The following CACNA1B variants were observed in gnomAD, a reference collection of about 807,000 sequenced individuals.
The protein encoded by CACNA1B is calcium voltage-gated channel subunit alpha1 B.
A neutral mutation model predicts 247.2 loss-of-function variants in CACNA1B; 70 were observed. That is an observed-to-expected ratio of 0.28 (90% CI 0.23 to 0.35). The LOEUF (loss-of-function observed/expected upper bound fraction) is 0.35. Ranked by LOEUF, CACNA1B falls within the 10% of genes least tolerant of loss-of-function variation. The pLI is 1.00. For missense variants in CACNA1B, 2,367 were observed against 3,197.4 expected (o/e 0.74, Z 6.26); for synonymous variants, 1,231 against 1,294.4 (o/e 0.95, Z 1.05).
intron 10 of CACNA1B, among the ~76,000 whole-genome samples, chr9:137,970,798 A>G (rs1958137016): frequency 6.6e-6 from 1 of 152,156 alleles, no homozygotes; most frequent in African/African-American, 2.4e-5. Flanking sequence ...CAGGGTAGAG[A>G]AGCAGTCAGG....
At chr9:137,978,929 G>A (rs992167689) in intron 12 of CACNA1B, among the ~76,000 whole-genome samples, 1 of 152,202 alleles carries the variant, frequency 6.6e-6, no homozygotes, top group Non-Finnish European at 1.5e-5. Context: ...ATGGAGACCT[G>A]TGATTTCAGT....
intron 20 of CACNA1B, among the ~76,000 whole-genome samples, chr9:138,029,006 A>G (rs1168642094): frequency 6.6e-6 from 1 of 152,218 alleles, no homozygotes. Flanking sequence ...TTCTTCACAC[A>G]ACCAACTGAA....
In CACNA1B at chr9:138,100,100, G is replaced by A. The variant is rs1961203400; in HGVS notation, c.5223-2611G>A. 6.6e-6 allele frequency among the ~76,000 whole-genome samples: 1 copy of A among 152,194 alleles called. No homozygotes were observed. Among genetic ancestry groups the A allele is most frequent in the African/African-American group, 2.4e-5 (1 of 41,444 alleles). On this transcript the variant is annotated intron_variant, in intron 37 of 46. Coordinates refer to ENST00000371372, the MANE Select transcript of CACNA1B (RefSeq NM_000718.4). This position sits in a 1 kb window ranked among gnomAD's most constrained non-coding sequence, Gnocchi z 4.6. ...ATGTCTGGCCTGAAGAATGAGAGGA[G>A]GTGCCATTTGAGCTGAACTTAAAGG...
At chr9:138,120,567 G>GC (rs1442413753) in intron 45 of CACNA1B, 64 bp from the exon 46 acceptor site, 5 of 1,453,916 alleles carry the variant, frequency 3.4e-6, no homozygotes, top group African/African-American at 1.4e-5. Flanking sequence ...GTCCTGCTGG[G>GC]CCCGGGGGTC....
Position 137,878,163 on chromosome 9 carries a change from T to A in CACNA1B, c.230T>A (p.Val77Asp). Residue 77 changes from valine (V) to aspartate (D), a missense_variant, in exon 1 of 47, where the codon GTC (valine) becomes GAC (aspartate). Around this residue, in one of 12 missense-constraint regions of CACNA1B, gnomAD observed 130 missense variants for 338.7 expected, o/e 0.38. Transcript: ENST00000371372. Reference protein sequence around the residue: ...NCFTVNRSLFVFSEDNVVRKY... With the variant: ...NCFTVNRSLFDFSEDNVVRKY... ...TTCACCGTCAACCGCTCGCTCTTCG[T>A]CTTCAGCGAGGACAACGTCGTCCGC... is the stretch of plus-strand genomic sequence containing the variant. 2 of 1,311,624 alleles carry A rather than the reference T, an allele frequency of 1.5e-6. No homozygotes were observed. The highest frequency in any genetic ancestry group is 2.0e-6 in the Non-Finnish European group (2 of 1,024,100). 81.2% of individuals were successfully genotyped at this position (1,311,624 alleles called of 1,614,324 possible).
At chr9:138,008,544 C>G (rs895001553) in intron 16 of CACNA1B, among the ~76,000 whole-genome samples, 1 of 152,190 alleles carries the variant, frequency 6.6e-6, no homozygotes, top group African/African-American at 2.4e-5. Flanking sequence ...GGGGTATGCG[C>G]TCCCTTGACC....
At chr9:137,948,456 C>T (rs1226956966) in intron 6 of CACNA1B, among the ~76,000 whole-genome samples, 1 of 152,018 alleles carries the variant, frequency 6.6e-6, no homozygotes, top group African/African-American at 2.4e-5. Context: ...TGATTCCTTC[C>T]ACATCCCCTT....
At chr9:137,878,729 C>T (rs1314999754) in intron 1 of CACNA1B, among the ~76,000 whole-genome samples, 2 of 152,132 alleles carry the variant, frequency 1.3e-5, no homozygotes, top group Non-Finnish European at 2.9e-5. Flanking sequence ...CCAGCCTCGC[C>T]TGGGGGCGCT....
chr9:138,044,737 G>A (rs1274496511), intron 21 of CACNA1B, among the ~76,000 whole-genome samples: 3 of 152,178 alleles, frequency 2.0e-5, no homozygotes, highest in Non-Finnish European at 4.4e-5. Flanking sequence ...CTGCATGGAC[G>A]TACCCCTGTT....
chr9:138,109,602 ACCT>A (rs1288478393), intron 39 of CACNA1B, among the ~76,000 whole-genome samples: 2 of 152,104 alleles, frequency 1.3e-5, no homozygotes, highest in Non-Finnish European at 2.9e-5. Flanking sequence ...TGAACTGATC[ACCT>A]CCTTACAGGC....
chr9:137,921,828 G>A (rs113590670), intron 6 of CACNA1B, among the ~76,000 whole-genome samples: 44 of 143,898 alleles, frequency 3.1e-4, no homozygotes, highest in African/African-American at 1.0e-3. Flanking sequence ...CACCACGACC[G>A]CACAGCATCC....
rs187696075 is a variant in CACNA1B at position 138,034,518 on chromosome 9, A to G, written c.3287-9256A>G. On this transcript the variant is annotated intron_variant, in intron 20 of 46. Coordinates refer to ENST00000371372, the MANE Select transcript of CACNA1B (RefSeq NM_000718.4). ...TTAGTGATTATTGTCTATAAGTTTT[A>G]TATCTCGGTAGGCTGCCCCTTTCCT... 2.7e-3 allele frequency among the ~76,000 whole-genome samples: 360 copies of G among 133,522 alleles called. 1 individual carries two copies. Among genetic ancestry groups the G allele is most frequent in the African/African-American group, 9.8e-3 (346 of 35,170 alleles). The allele number at this position is 133,522 out of a possible 152,430, so 87.6% of individuals were successfully genotyped here.
intron 39 of CACNA1B, among the ~76,000 whole-genome samples, chr9:138,106,853 C>T (rs1280407203): frequency 1.3e-5 from 2 of 152,192 alleles, no homozygotes; most frequent in Non-Finnish European, 2.9e-5. Flanking sequence ...TCTCTGATTT[C>T]CCTTTCCCAC....
chr9:137,886,588 C>G (rs1216371546), intron 3 of CACNA1B, among the ~76,000 whole-genome samples: 3 of 151,232 alleles, frequency 2.0e-5, no homozygotes, highest in Non-Finnish European at 4.4e-5. Flanking sequence ...GCCCGGTGGC[C>G]CATGTTCTGG....
At chr9:138,061,023 A>T (rs1295231000) in intron 31 of CACNA1B, among the ~76,000 whole-genome samples, 1 of 151,990 alleles carries the variant, frequency 6.6e-6, no homozygotes, top group Non-Finnish European at 1.5e-5. Context: ...CCAAGTCCCT[A>T]CTTGTTGCCG....
rs200847209 is a variant in CACNA1B at position 138,074,048 on chromosome 9, C to T, written c.4839C>T (p.Tyr1613=). Residue 1613 remains tyrosine (Y), a synonymous_variant, in exon 34 of 47, where the codon TAC becomes TAT. Coordinates refer to ENST00000371372, the MANE Select transcript of CACNA1B (RefSeq NM_000718.4). ...CLLIAMLFFI[Y]AIIGMQVFGN... ...TCATTGCCATGCTGTTCTTCATCTA[C>T]GCCATCATCGGCATGCAGGTGGGTG... 8.1e-6 allele frequency: 13 copies of T among 1,612,500 alleles called. No individual in the cohort carries two copies. The highest frequency in any genetic ancestry group is 4.4e-5 in the South Asian group (4 of 91,078).
intron 3 of CACNA1B, among the ~76,000 whole-genome samples, chr9:137,910,915 T>C (rs1957353004): frequency 6.6e-6 from 1 of 152,222 alleles, no homozygotes; most frequent in African/African-American, 2.4e-5. Context: ...ATTTTTTCTT[T>C]TATTGCCTGT....
intron 6 of CACNA1B, among the ~76,000 whole-genome samples, chr9:137,939,843 TAAATA>T (rs1481120843): frequency 3.6e-5 from 5 of 140,622 alleles, no homozygotes; most frequent in African/African-American, 5.7e-5. Context: ...AATAAATAAA[TAAATA>T]AAAAAAAATA....
chr9:138,047,375 G>C, intron 22 of CACNA1B, 24 bp from the exon 23 acceptor site: 1 of 1,586,852 alleles, frequency 6.3e-7, no homozygotes, highest in Non-Finnish European at 8.7e-7. Flanking sequence ...CAGCCTTTGA[G>C]AATAACCTTC....
Sources: allele counts gnomAD v4.1 joint callset (sites outside exome capture counted in the v4.1 genomes callset), GRCh38; gene constraint gnomAD v4.1.1; regional missense constraint gnomAD v4.1.1; non-coding constraint Gnocchi (gnomAD v3.1); transcripts MANE v1.5; gene names NCBI Gene and HGNC (gene_info 2026-07-23, HGNC 2026-07-21).